Variants in FMO5 observed in about 807,000 individuals in gnomAD.
FMO5 encodes flavin containing dimethylaniline monoxygenase 5, also known as flavin-containing monooxygenase 5.
FMO5 carries 51 observed loss-of-function variants against 43.6 expected under a neutral mutation model. That is an observed-to-expected ratio of 1.17 (90% CI 0.93 to 1.48). The LOEUF (loss-of-function observed/expected upper bound fraction) is 1.48, where lower values mean the gene tolerates loss of function less well. FMO5 is among the 40% of genes most tolerant of loss of function. The probability of loss-of-function intolerance (pLI) is 0.00; values close to 1 mark genes in which losing one functional copy is unlikely to be tolerated. For missense variants in FMO5, 644 were observed against 643.0 expected (o/e 1.00, Z -0.02); for synonymous variants, 187 against 216.5 (o/e 0.86, Z 1.20).
At chr1:147,194,017 T>G (rs1349220767) in intron 7 of FMO5, among the ~76,000 whole-genome samples, 1 of 152,156 alleles carries the variant, frequency 6.6e-6, no homozygotes, top group African/African-American at 2.4e-5. Context: ...TAGATGTCTA[T>G]TAGGTCTGCT....
chr1:147,222,582 A>C (rs1663237836), intron 2 of FMO5, among the ~76,000 whole-genome samples: 1 of 152,212 alleles, frequency 6.6e-6, no homozygotes, highest in Non-Finnish European at 1.5e-5. Context: ...GGGGAGCTTT[A>C]AAAAATGGAG....
intron 8 of FMO5, among the ~76,000 whole-genome samples, chr1:147,188,288 C>T (rs1553917659): frequency 1.3e-5 from 2 of 151,712 alleles, no homozygotes; most frequent in African/African-American, 2.4e-5. Flanking sequence ...TTTGGGAGGC[C>T]GAGGCAGGCG....
intron 7 of FMO5, among the ~76,000 whole-genome samples, chr1:147,192,027 G>GT (rs1277825462): frequency 5.9e-5 from 9 of 152,068 alleles, no homozygotes; most frequent in Admixed American, 5.2e-4. Context: ...CTTTAAAATA[G>GT]TTTTTTCCAA....
intron 4 of FMO5, 134 bp downstream of exon 4, chr1:147,213,174 T>C (rs1661364941): frequency 2.6e-6 from 2 of 756,748 alleles, no homozygotes; most frequent in African/African-American, 1.8e-5. Flanking sequence ...AACATCCTTC[T>C]GGGGAACAAG....
chr1:147,223,908 A>G, intron 2 of FMO5: 1 of 367,190 alleles, frequency 2.7e-6, no homozygotes, highest in Non-Finnish European at 5.3e-6. Context: ...TCCTGGACTG[A>G]GAAGAAAGCT....
At chr1:147,187,787 T>G (rs1432939567) in intron 8 of FMO5, among the ~76,000 whole-genome samples, 1 of 152,102 alleles carries the variant, frequency 6.6e-6, no homozygotes, top group African/African-American at 2.4e-5. Flanking sequence ...ACAAATGAAA[T>G]TATTACACCA....
At chr1:147,214,395 G>C (rs1371957489) in intron 3 of FMO5, among the ~76,000 whole-genome samples, 1 of 151,298 alleles carries the variant, frequency 6.6e-6, no homozygotes, top group East Asian at 1.9e-4. Flanking sequence ...AGGTTGCAGT[G>C]AGCCGAGATC....
chr1:147,187,366 G>T (rs1655807879), intron 8 of FMO5, 121 bp from the exon 9 acceptor site: 2 of 684,676 alleles, frequency 2.9e-6, no homozygotes, highest in Non-Finnish European at 2.4e-6. Context: ...GGAATATAGA[G>T]AAGAAAGATA....
chr1:147,216,242 T>C (rs1661973397), intron 2 of FMO5, among the ~76,000 whole-genome samples: 1 of 152,140 alleles, frequency 6.6e-6, no homozygotes, highest in Admixed American at 6.5e-5. Context: ...CTAGCAGCCA[T>C]ATGAGAAATC....
intron 6 of FMO5, among the ~76,000 whole-genome samples, chr1:147,205,122 A>G (rs1224683233): frequency 6.6e-6 from 1 of 152,242 alleles, no homozygotes; most frequent in Non-Finnish European, 1.5e-5. Context: ...CTTTGTCTTT[A>G]TAATTAGAAT....
chr1:147,194,162 A>C (rs1553919186), intron 7 of FMO5, among the ~76,000 whole-genome samples: 1 of 152,100 alleles, frequency 6.6e-6, no homozygotes, highest in Non-Finnish European at 1.5e-5. Flanking sequence ...GTAGGTCACT[A>C]AGGACTTGCT....
chr1:147,215,962 T>A lies in FMO5; in HGVS notation c.136-20A>T. 1 of 1,567,402 alleles carries A rather than the reference T, an allele frequency of 6.4e-7. No individual in the cohort carries two copies. Among genetic ancestry groups the A allele is most frequent in the Non-Finnish European group, 8.7e-7 (1 of 1,151,638 alleles). On this transcript the variant is annotated intron_variant, in intron 2 of 8. Coordinates refer to ENST00000254090, the MANE Select transcript of FMO5 (RefSeq NM_001461.4). ...ATTTTCCTGCAATAAATAGAAAGTA[T>A]TCATAGCAACTTGAGGATCATCTTC...
chr1:147,220,458 C>A (rs587766673), intron 2 of FMO5, among the ~76,000 whole-genome samples: 1 of 152,158 alleles, frequency 6.6e-6, no homozygotes, highest in African/African-American at 2.4e-5. Flanking sequence ...TTCTAAAGTT[C>A]ATATGGAAAG....
At chr1:147,218,227 T>C (rs1553925448) in intron 2 of FMO5, among the ~76,000 whole-genome samples, 3 of 137,810 alleles carry the variant, frequency 2.2e-5, no homozygotes. Flanking sequence ...TAAATTATAG[T>C]ATCTCAACAT....
At chr1:147,216,559 T>C (rs1463476351) in intron 2 of FMO5, among the ~76,000 whole-genome samples, 6 of 152,304 alleles carry the variant, frequency 3.9e-5, no homozygotes, top group African/African-American at 1.4e-4. Context: ...CTCCTTGCAA[T>C]TTACCTAGCC....
intron 7 of FMO5, among the ~76,000 whole-genome samples, chr1:147,190,802 T>C (rs1553918279): frequency 1.3e-5 from 2 of 152,018 alleles, no homozygotes. Context: ...CATTTAGCAT[T>C]AGGTATATCT....
intron 7 of FMO5, among the ~76,000 whole-genome samples, chr1:147,195,118 C>T (rs1553919486): frequency 6.6e-6 from 1 of 152,056 alleles, no homozygotes; most frequent in Non-Finnish European, 1.5e-5. Context: ...AACTTGGTTC[C>T]ATTCTCCCCG....
In FMO5 at chr1:147,192,665, T is replaced by G. The variant is rs181281447; in HGVS notation, c.1184-2416A>C. 1.1e-4 allele frequency among the ~76,000 whole-genome samples: 16 copies of G among 152,290 alleles called. 1 individual carries two copies. Among genetic ancestry groups the G allele is most frequent in the African/African-American group, 3.9e-4 (16 of 41,518 alleles). Reference sequence around the variant, plus strand: ...CTGTGGGTTTGTCATAGGTAGCTCTTATTATTTTCAGATACATCCCATCGA... The same window carrying G: ...CTGTGGGTTTGTCATAGGTAGCTCTGATTATTTTCAGATACATCCCATCGA... On this transcript the variant is annotated intron_variant, in intron 7 of 8. Transcript: ENST00000254090.
chr1:147,207,493 T>G lies in FMO5; in HGVS notation c.830+1359A>C, dbSNP rs191225831. Among the ~76,000 whole-genome samples the G allele has an allele frequency of 5.4e-4, 82 of 152,348 alleles. No homozygotes were observed. The East Asian group carries it at 0.015, about 29-fold the overall frequency. ...CCCATCCTTTGTACTTTCATAACAC[T>G]GTATGTATTTCTTCATTATAATCTG... On this transcript the variant is annotated intron_variant, in intron 6 of 8. Coordinates refer to ENST00000254090, the MANE Select transcript of FMO5 (RefSeq NM_001461.4).
Sources: gnomAD v4.1 joint callset for allele counts (sites outside exome capture counted in the v4.1 genomes callset) on GRCh38, gnomAD v4.1.1 for gene constraint, MANE v1.5 for transcripts, NCBI Gene and HGNC (gene_info 2026-07-23, HGNC 2026-07-21) for gene names.